Variants in MAP2 observed in about 807,000 individuals in gnomAD.
MAP2 encodes microtubule associated protein 2, also known as microtubule-associated protein 2.
MAP2 carries 14 observed loss-of-function variants against 137.6 expected under a neutral mutation model. That is an observed-to-expected ratio of 0.10 (90% CI 0.07 to 0.16). MAP2 has a LOEUF of 0.16. Ranked by LOEUF, MAP2 falls within the 10% of genes least tolerant of loss-of-function variation. The pLI is 1.00. For synonymous variants in MAP2, 786 were observed against 782.3 expected (o/e 1.00, Z -0.08); for missense variants, 2,088 against 2,191.5 (o/e 0.95, Z 0.94).
At chr2:209,531,872 G>A (rs912111655) in intron 2 of MAP2, among the ~76,000 whole-genome samples, 5 of 152,236 alleles carry the variant, frequency 3.3e-5, no homozygotes, top group African/African-American at 9.6e-5. Flanking sequence ...TTGAGAAAAG[G>A]TGTCTTTAAA....
chr2:209,638,110 GA>G (rs1349836396), intron 4 of MAP2, among the ~76,000 whole-genome samples: 5 of 152,008 alleles, frequency 3.3e-5, no homozygotes, highest in Non-Finnish European at 7.4e-5. Flanking sequence ...AAATGTAAAT[GA>G]ATTGTATACA....
At chr2:209,591,237 G>A (rs1020028725) in intron 3 of MAP2, among the ~76,000 whole-genome samples, 1 of 152,114 alleles carries the variant, frequency 6.6e-6, no homozygotes. Flanking sequence ...CCCCTCTGCC[G>A]GAAGTCATTT....
intron 1 of MAP2, among the ~76,000 whole-genome samples, chr2:209,462,783 C>T (rs2149608626): frequency 6.6e-6 from 1 of 152,202 alleles, no homozygotes; most frequent in East Asian, 1.9e-4. Context: ...AGAGTTATGT[C>T]TTTGATGCTT....
At chr2:209,541,135 A>G (rs1480436129) in intron 2 of MAP2, among the ~76,000 whole-genome samples, 1 of 151,014 alleles carries the variant, frequency 6.6e-6, no homozygotes, top group Non-Finnish European at 1.5e-5. Flanking sequence ...GGTTCAAGCA[A>G]TTCTCCTGCC....
chr2:209,556,658 C>T (rs1160865141), intron 2 of MAP2, among the ~76,000 whole-genome samples: 1 of 124,094 alleles, frequency 8.1e-6, no homozygotes, highest in Non-Finnish European at 1.5e-5. Context: ...ATAATCTGGC[C>T]TATTAAAAAA....
Position 209,694,726 on chromosome 2 carries a change from T to C in MAP2, c.2556T>C (p.Asp852=). ...GTACTGGCTTGCCCCCGGTAACTGA[T>C]GAAAACCATGTCATTGTAAAAACGG... is the stretch of plus-strand genomic sequence containing the variant. The part of the protein sequence containing the change: ...DSRTGLPPVT[D]ENHVIVKTDS... Residue 852 remains aspartate (D), a synonymous_variant, in exon 8 of 16, where the codon GAT becomes GAC. Coordinates refer to ENST00000682079, the MANE Select transcript of MAP2 (RefSeq NM_001375505.1). The C allele has an allele frequency of 6.2e-7, 1 of 1,614,130 alleles. No homozygotes were observed. Among genetic ancestry groups the C allele is most frequent in the South Asian group, 1.1e-5 (1 of 91,086 alleles).
chr2:209,515,995 A>G (rs143562908), intron 2 of MAP2, among the ~76,000 whole-genome samples: 9 of 151,910 alleles, frequency 5.9e-5, no homozygotes, highest in Non-Finnish European at 7.4e-5. Context: ...GGGTCTCATT[A>G]TGTTGCCTAG....
At chr2:209,614,816 A>C (rs552156789) in intron 3 of MAP2, among the ~76,000 whole-genome samples, 3 of 152,266 alleles carry the variant, frequency 2.0e-5, no homozygotes, top group African/African-American at 7.2e-5. Context: ...GTGATCATGC[A>C]TTGCCTCTTG....
chr2:209,733,425 T>G lies in MAP2; in HGVS notation c.*3028T>G, dbSNP rs1405331447. On this transcript the variant is annotated 3_prime_UTR_variant, in exon 16 of 16. Transcript: ENST00000682079. Reference sequence around the variant, plus strand: ...GAGAAGGCTGAAGAGAGAATGCCATTAAATGGAAGAATGTACTGATTGTAG... The same window carrying G: ...GAGAAGGCTGAAGAGAGAATGCCATGAAATGGAAGAATGTACTGATTGTAG... 6.6e-6 allele frequency: 1 copy of G among 150,660 alleles called. No individual in the cohort carries two copies. The highest frequency in any genetic ancestry group is 2.5e-5 in the African/African-American group (1 of 40,534). 9.3% of individuals were successfully genotyped at this position (150,660 alleles called of 1,614,324 possible). A position where few individuals can be genotyped will look rare whatever the true frequency, so the allele number is the denominator to read the frequency against.
chr2:209,654,986 C>G (rs1467825311), intron 5 of MAP2, among the ~76,000 whole-genome samples: 2 of 150,990 alleles, frequency 1.3e-5, no homozygotes, highest in East Asian at 3.9e-4. Flanking sequence ...TTGTAATACA[C>G]AAAAAAAAAT....
At chr2:209,616,566 A>G (rs190388664) in intron 3 of MAP2, among the ~76,000 whole-genome samples, 2 of 152,184 alleles carry the variant, frequency 1.3e-5, no homozygotes, top group African/African-American at 4.8e-5. Context: ...TCATCTACAC[A>G]AAGTTAACCA....
intron 4 of MAP2, among the ~76,000 whole-genome samples, chr2:209,634,978 C>T (rs6752060): frequency 0.058 from 8,880 of 152,062 alleles, 609 homozygotes; most frequent in South Asian, 0.23. Context: ...CCTGTAGTCC[C>T]GGCTACTTGG....
Position 209,731,967 on chromosome 2 carries a change from T to A in MAP2, c.*1570T>A, listed in dbSNP as rs535705977. 91 of 152,330 alleles carry A rather than the reference T, an allele frequency of 6.0e-4. No individual in the cohort carries two copies. The highest frequency in any genetic ancestry group is 2.1e-3 in the African/African-American group (89 of 41,562). 9.4% of individuals were successfully genotyped at this position (152,330 alleles called of 1,614,324 possible). A position where few individuals can be genotyped will look rare whatever the true frequency, so the allele number is the denominator to read the frequency against. ...AGTCTAGAACTCACAAATCAATTAG[T>A]TCCTCTCACAAATCATTCATCTTAG... On this transcript the variant is annotated 3_prime_UTR_variant, in exon 16 of 16. Transcript: ENST00000682079.
At chr2:209,711,538 C>A (rs371541743) in intron 13 of MAP2, among the ~76,000 whole-genome samples, 2 of 152,268 alleles carry the variant, frequency 1.3e-5, no homozygotes, top group East Asian at 3.9e-4. Flanking sequence ...TACTTTTTCA[C>A]AGACAGATGC....
chr2:209,520,873 C>T (rs1045329607), intron 2 of MAP2, among the ~76,000 whole-genome samples: 1 of 152,050 alleles, frequency 6.6e-6, no homozygotes, highest in Non-Finnish European at 1.5e-5. Context: ...TCTCCCATCT[C>T]ATGCAGTAAT....
chr2:209,597,115 C>T (rs1337150392), intron 3 of MAP2, among the ~76,000 whole-genome samples: 1 of 152,076 alleles, frequency 6.6e-6, no homozygotes, highest in African/African-American at 2.4e-5. Flanking sequence ...GCCACTTCTT[C>T]CTCCTTTCTT....
intron 2 of MAP2, among the ~76,000 whole-genome samples, chr2:209,528,795 T>C (rs546027108): frequency 1.2e-4 from 17 of 147,190 alleles, no homozygotes; most frequent in Non-Finnish European, 2.2e-4. Flanking sequence ...TGTATATATG[T>C]ACATGTACAT....
intron 2 of MAP2, among the ~76,000 whole-genome samples, chr2:209,516,351 C>A (rs564188127): frequency 6.6e-6 from 1 of 152,126 alleles, no homozygotes; most frequent in African/African-American, 2.4e-5. Flanking sequence ...TCCACCTTTT[C>A]CTCAAAACTA....
intron 2 of MAP2, among the ~76,000 whole-genome samples, chr2:209,541,644 T>C (rs1163679895): frequency 6.6e-6 from 1 of 152,196 alleles, no homozygotes; most frequent in Non-Finnish European, 1.5e-5. Context: ...TTTGTTGTTA[T>C]CTTGACAATG....
Sources: allele counts gnomAD v4.1 joint callset (sites outside exome capture counted in the v4.1 genomes callset), GRCh38; gene constraint gnomAD v4.1.1; transcripts MANE v1.5; gene names NCBI Gene and HGNC (gene_info 2026-07-23, HGNC 2026-07-21).